Variants in LOXL2 observed in about 807,000 individuals in gnomAD.
LOXL2 encodes lysyl oxidase homolog 2.
A neutral mutation model predicts 93.0 loss-of-function variants in LOXL2; 70 were observed. That is an observed-to-expected ratio of 0.75 (90% CI 0.62 to 0.92). The LOEUF (loss-of-function observed/expected upper bound fraction) is 0.92, where lower values mean the gene tolerates loss of function less well. LOXL2 is among the 40% of genes least tolerant of loss of function. LOXL2 has a pLI of 0.00. For missense variants in LOXL2, 973 were observed against 1,054.9 expected (o/e 0.92, Z 1.08); for synonymous variants, 438 against 413.2 (o/e 1.06, Z -0.73).
At chr8:23,386,959 A>G (rs973893842) in intron 1 of LOXL2, among the ~76,000 whole-genome samples, 4 of 152,146 alleles carry the variant, frequency 2.6e-5, no homozygotes, top group African/African-American at 9.7e-5. Flanking sequence ...CACCTTGGAG[A>G]GTATCCTGTT....
chr8:23,373,814 G>A (rs1406164720), intron 1 of LOXL2, among the ~76,000 whole-genome samples: 4 of 151,782 alleles, frequency 2.6e-5, no homozygotes, highest in East Asian at 1.9e-4. Flanking sequence ...CCCCCACCGC[G>A]AAGCTCTACT....
intron 3 of LOXL2, among the ~76,000 whole-genome samples, chr8:23,354,618 ATG>A (rs1040468091): frequency 6.2e-5 from 9 of 144,904 alleles, no homozygotes; most frequent in African/African-American, 2.1e-4. Flanking sequence ...TCTCACACAC[ATG>A]TGATGCCAGT....
At chr8:23,321,756 T>C in intron 7 of LOXL2, 1 of 192,796 alleles carries the variant, frequency 5.2e-6, no homozygotes, top group Non-Finnish European at 1.1e-5. Flanking sequence ...TGAACATGAA[T>C]AGAGGAAAGA....
At chr8:23,338,721 T>TC (rs1803835745) in intron 4 of LOXL2, among the ~76,000 whole-genome samples, 1 of 152,084 alleles carries the variant, frequency 6.6e-6, no homozygotes, top group Non-Finnish European at 1.5e-5. Context: ...AGGGTGGTGG[T>TC]CCTCAGTCTG....
intron 10 of LOXL2, among the ~76,000 whole-genome samples, chr8:23,305,411 T>C (rs1359588259): frequency 6.6e-6 from 1 of 152,210 alleles, no homozygotes; most frequent in Non-Finnish European, 1.5e-5. Context: ...GCTTCTGTCC[T>C]GGGCATCTCG....
At chr8:23,374,600 C>T (rs1316720081) in intron 1 of LOXL2, among the ~76,000 whole-genome samples, 1 of 152,234 alleles carries the variant, frequency 6.6e-6, no homozygotes, top group African/African-American at 2.4e-5. Flanking sequence ...TCCACATCCT[C>T]TCCAGCACCT....
chr8:23,378,268 C>T (rs1435894925), intron 1 of LOXL2, among the ~76,000 whole-genome samples: 2 of 152,114 alleles, frequency 1.3e-5, no homozygotes, highest in Non-Finnish European at 2.9e-5. Flanking sequence ...AATATTGGCC[C>T]CCACTCTCTT....
intron 4 of LOXL2, 35 bp from the exon 5 acceptor site, chr8:23,333,658 A>T (rs374850114): frequency 1.9e-6 from 3 of 1,545,980 alleles, no homozygotes; most frequent in African/African-American, 2.7e-5. Flanking sequence ...GGACCAGGGC[A>T]TCATGACGCC....
chr8:23,297,893 C>T lies in LOXL2; in HGVS notation c.*150G>A, dbSNP rs1315310664. On this transcript the variant is annotated 3_prime_UTR_variant, in exon 14 of 14. Transcript: ENST00000389131. ...GAATGATGGGAGGGTCCCTTTCCTC[C>T]TGAGCTTAGACACAGCTGTAGGGGT... 4.9e-6 allele frequency: 3 copies of T among 617,366 alleles called. No individual in the cohort carries two copies. In the African/African-American group the frequency reaches 5.6e-5, roughly 11 times the overall value. 38.2% of individuals were successfully genotyped at this position (617,366 alleles called of 1,614,324 possible).
At chr8:23,403,896 C>CG (rs935243886) in intron 1 of LOXL2, 58 bp downstream of exon 1, 1 of 156,608 alleles carries the variant, frequency 6.4e-6, no homozygotes, top group Non-Finnish European at 1.4e-5. Context: ...CCCATAGGGA[C>CG]GCTCCCGCTT....
chr8:23,308,967 G>A (rs1031085812), intron 10 of LOXL2, among the ~76,000 whole-genome samples: 13 of 150,508 alleles, frequency 8.6e-5, no homozygotes, highest in East Asian at 5.8e-4. Flanking sequence ...ATACCAGTAC[G>A]TGGAATATAT....
At chr8:23,397,753 T>C (rs1276583360) in intron 1 of LOXL2, among the ~76,000 whole-genome samples, 1 of 138,722 alleles carries the variant, frequency 7.2e-6, no homozygotes, top group Non-Finnish European at 1.5e-5. Flanking sequence ...ACTCCCAGCC[T>C]GGGCAACAGA....
At chr8:23,402,191 G>T (rs184700276) in intron 1 of LOXL2, among the ~76,000 whole-genome samples, 1 of 151,966 alleles carries the variant, frequency 6.6e-6, no homozygotes, top group African/African-American at 2.4e-5. Flanking sequence ...ACACGTGCCC[G>T]CGCACACACA....
In LOXL2 at chr8:23,316,717, G is replaced by T. The variant is rs1585346852; in HGVS notation, c.1636+232C>A. 3 of 524,092 alleles carry T rather than the reference G, an allele frequency of 5.7e-6. No homozygotes were observed. The East Asian group carries it at 9.7e-5, about 17-fold the overall frequency. The allele number at this position is 524,092 out of a possible 1,614,324, so 32.5% of individuals were successfully genotyped here. ...GCAGTGGTCCTGTGACTGAATCCGG[G>T]CTACAGACTGCAGCCCCTCCCTCCC... On this transcript the variant is annotated intron_variant, in intron 9 of 13. Transcript: ENST00000389131.
At chr8:23,351,444 T>C (rs1233316327) in intron 3 of LOXL2, among the ~76,000 whole-genome samples, 3 of 152,202 alleles carry the variant, frequency 2.0e-5, no homozygotes, top group Non-Finnish European at 4.4e-5. Flanking sequence ...CACCTCTCTC[T>C]TCTCCAAACT....
chr8:23,395,691 T>TTTA (rs891565969), intron 1 of LOXL2, among the ~76,000 whole-genome samples: 2 of 152,052 alleles, frequency 1.3e-5, no homozygotes, highest in African/African-American at 4.8e-5. Context: ...GACTGAAGAC[T>TTTA]TTATTATTAT....
chr8:23,321,321 AG>A (rs34644124), intron 7 of LOXL2, among the ~76,000 whole-genome samples: 106,937 of 151,980 alleles, frequency 0.7, 37,932 homozygotes, highest in Non-Finnish European at 0.76. Flanking sequence ...GACAGAGAGA[AG>A]GGTTTGACTG....
At chr8:23,328,616 G>A (rs1437225524) in intron 5 of LOXL2, 51 bp from the exon 6 acceptor site, 10 of 1,570,138 alleles carry the variant, frequency 6.4e-6, no homozygotes, top group East Asian at 2.2e-5. Flanking sequence ...CACGTTCAGC[G>A]GGTGACCACT....
At chr8:23,385,832 T>G in intron 1 of LOXL2, 1 of 645,528 alleles carries the variant, frequency 1.5e-6, no homozygotes, top group Admixed American at 2.4e-5. Context: ...CAATATGGAA[T>G]CAATACAAAA....
Sources: gnomAD v4.1 joint callset for allele counts (sites outside exome capture counted in the v4.1 genomes callset) on GRCh38, gnomAD v4.1.1 for gene constraint, MANE v1.5 for transcripts, NCBI Gene and HGNC (gene_info 2026-07-23, HGNC 2026-07-21) for gene names.